JAK1: variants seen among roughly 807,000 people sequenced by gnomAD.
JAK1 encodes Janus kinase 1, also known as tyrosine-protein kinase JAK1.
A neutral mutation model predicts 136.6 loss-of-function variants in JAK1; 16 were observed. The observed-to-expected ratio is 0.12, with a 90% CI of 0.08 to 0.18. JAK1 has a LOEUF of 0.18. JAK1 is among the 10% of genes least tolerant of loss of function. The pLI is 1.00. For synonymous variants in JAK1, 492 were observed against 519.5 expected (o/e 0.95, Z 0.72); for missense variants, 859 against 1,450.1 (o/e 0.59, Z 6.62).
At chr1:65,007,858 G>A (rs1251706072) in intron 2 of JAK1, among the ~76,000 whole-genome samples, 1 of 151,742 alleles carries the variant, frequency 6.6e-6, no homozygotes, top group Non-Finnish European at 1.5e-5. Flanking sequence ...TGATTCTCCT[G>A]CCTCAGCCTC....
chr1:64,851,706 G>A (rs1357925249), intron 11 of JAK1, among the ~76,000 whole-genome samples: 2 of 152,200 alleles, frequency 1.3e-5, no homozygotes, highest in African/African-American at 2.4e-5. Flanking sequence ...TGCAAGGAAC[G>A]AGGTTATCAT....
At chr1:64,852,458 A>G (rs1655662015) in intron 11 of JAK1, among the ~76,000 whole-genome samples, 1 of 152,192 alleles carries the variant, frequency 6.6e-6, no homozygotes, top group African/African-American at 2.4e-5. Flanking sequence ...TGCTCCCTCC[A>G]TACCATTTTC....
intron 1 of JAK1, among the ~76,000 whole-genome samples, chr1:64,963,843 C>G (rs746437181): frequency 3.9e-5 from 6 of 151,960 alleles, no homozygotes; most frequent in Non-Finnish European, 7.3e-5. Context: ...ATGGATAATT[C>G]TTTGTTTGGG....
At chr1:64,954,343 A>T (rs2100593339) in intron 1 of JAK1, among the ~76,000 whole-genome samples, 1 of 152,340 alleles carries the variant, frequency 6.6e-6, no homozygotes, top group East Asian at 1.9e-4. Context: ...TACATAACCC[A>T]ACAACTGACA....
At chr1:64,901,279 G>A (rs1327890848) in intron 1 of JAK1, among the ~76,000 whole-genome samples, 1 of 152,158 alleles carries the variant, frequency 6.6e-6, no homozygotes, top group Admixed American at 6.5e-5. Flanking sequence ...AGACACCATA[G>A]ACCAAGTGCA....
At chr1:64,872,251 G>A (rs1657115603) in intron 5 of JAK1, among the ~76,000 whole-genome samples, 1 of 152,204 alleles carries the variant, frequency 6.6e-6, no homozygotes, top group South Asian at 2.1e-4. Context: ...AATGCATAGG[G>A]CAGGCCATCA....
intron 2 of JAK1, among the ~76,000 whole-genome samples, chr1:64,998,746 C>T (rs1646726474): frequency 6.6e-6 from 1 of 152,144 alleles, no homozygotes; most frequent in African/African-American, 2.4e-5. Context: ...GGGAGTTTCC[C>T]TGCACAAGCT....
chr1:64,912,868 A>G (rs1645308288), intron 1 of JAK1, among the ~76,000 whole-genome samples: 1 of 152,172 alleles, frequency 6.6e-6, no homozygotes, highest in Non-Finnish European at 1.5e-5. Context: ...GGCTTTGCTG[A>G]TTGGCTGGCT....
At chr1:64,913,647 GGAAGGAAAGAAGGAAGGAAGGA>G (rs1557686393) in intron 1 of JAK1, among the ~76,000 whole-genome samples, 1 of 92,544 alleles carries the variant, frequency 1.1e-5, no homozygotes, top group African/African-American at 4.9e-5. Context: ...AAGGGAGGAA[GGAAGGAAAGAAGGAAGGAAGGA>G]AGGAAGGAAG....
intron 1 of JAK1, among the ~76,000 whole-genome samples, chr1:64,928,660 A>AC: frequency 6.6e-6 from 1 of 151,382 alleles, no homozygotes; most frequent in Admixed American, 6.6e-5. Flanking sequence ...AAGTCACTTC[A>AC]CCCCCAAGAC....
At chr1:64,853,828 C>T (rs1570640360) in intron 11 of JAK1, among the ~76,000 whole-genome samples, 1 of 152,152 alleles carries the variant, frequency 6.6e-6, no homozygotes, top group South Asian at 2.1e-4. Flanking sequence ...GTCCTCCCCA[C>T]GAGCCCATAG....
At chr1:64,891,642 A>G (rs1021763402) in intron 1 of JAK1, among the ~76,000 whole-genome samples, 2 of 152,162 alleles carry the variant, frequency 1.3e-5, no homozygotes, top group Non-Finnish European at 2.9e-5. Flanking sequence ...ACCGAAAATG[A>G]CTTGTATCTA....
chr1:65,000,094 G>A (rs1026139796), intron 2 of JAK1, among the ~76,000 whole-genome samples: 15 of 151,302 alleles, frequency 9.9e-5, no homozygotes, highest in African/African-American at 2.9e-4. Context: ...TGGTTCAAGC[G>A]ATTCTCCTCC....
chr1:64,975,719 C>T (rs947020256), intron 2 of JAK1, among the ~76,000 whole-genome samples: 1 of 152,086 alleles, frequency 6.6e-6, no homozygotes, highest in Non-Finnish European at 1.5e-5. Flanking sequence ...GCAGTCATAC[C>T]CTTCTCAGGC....
chr1:64,896,708 A>G (rs980723828), intron 1 of JAK1, among the ~76,000 whole-genome samples: 1 of 152,234 alleles, frequency 6.6e-6, no homozygotes, highest in East Asian at 1.9e-4. Context: ...GTAATAATAC[A>G]TGACTGATTG....
intron 1 of JAK1, among the ~76,000 whole-genome samples, chr1:64,945,500 T>C (rs932236647): frequency 1.3e-5 from 2 of 151,996 alleles, no homozygotes; most frequent in African/African-American, 4.8e-5. Context: ...CTTGATGTAC[T>C]AATAAGGAAA....
chr1:64,933,765 A>C (rs1645739341), intron 1 of JAK1, among the ~76,000 whole-genome samples: 1 of 152,230 alleles, frequency 6.6e-6, no homozygotes, highest in African/African-American at 2.4e-5. Context: ...CTGGCACCAC[A>C]AAATGCAATC....
intron 1 of JAK1, among the ~76,000 whole-genome samples, chr1:64,948,264 C>A (rs748664043): frequency 6.6e-6 from 1 of 152,216 alleles, no homozygotes; most frequent in Non-Finnish European, 1.5e-5. Context: ...CCAAGATACA[C>A]AGACAAAGCA....
At chr1:64,957,967 A>C (rs1469658773) in intron 1 of JAK1, among the ~76,000 whole-genome samples, 1 of 152,122 alleles carries the variant, frequency 6.6e-6, no homozygotes, top group East Asian at 1.9e-4. Context: ...AGTGTACTGC[A>C]AAGACTCCCT....
Sources: gnomAD v4.1 joint callset for allele counts (sites outside exome capture counted in the v4.1 genomes callset) on GRCh38, gnomAD v4.1.1 for gene constraint, MANE v1.5 for transcripts, NCBI Gene and HGNC (gene_info 2026-07-23, HGNC 2026-07-21) for gene names.